MRPL46: variants seen among roughly 807,000 people sequenced by gnomAD.
MRPL46 encodes mitochondrial ribosomal protein L46, also known as large ribosomal subunit protein mL46.
Under a neutral mutation model 31.0 loss-of-function variants are expected in MRPL46, and 26 were observed. That is an observed-to-expected ratio of 0.84 (90% confidence interval 0.61 to 1.16). The LOEUF (loss-of-function observed/expected upper bound fraction) is 1.16, where lower values mean the gene tolerates loss of function less well. Ranked by LOEUF, MRPL46 falls within the 50% of genes most tolerant of loss-of-function variation. The pLI is 0.00. For synonymous variants in MRPL46, 159 were observed against 141.3 expected, an observed-to-expected ratio of 1.13 and a Z score of -0.89; for missense variants, 395 against 340.0, an observed-to-expected ratio of 1.16 and a Z score of -1.27.
intron 2 of MRPL46, 156 bp from the exon 3 acceptor site, chr15:88,465,032 T>C (rs962050598): frequency 1.5e-6 from 1 of 685,432 alleles, no homozygotes; most frequent in African/African-American, 1.9e-5. Context: ...CTCTGACCTC[T>C]TCCAGGGAAG....
intron 2 of MRPL46, 79 bp downstream of exon 2, chr15:88,465,508 G>A (rs560581352): frequency 7.3e-7 from 1 of 1,377,986 alleles, no homozygotes; most frequent in East Asian, 2.4e-5. Flanking sequence ...CACAAAGCAG[G>A]GGCCAAGCAA....
chr15:88,462,789 C>T (rs748992746), intron 3 of MRPL46: 3 of 152,186 alleles, frequency 2.0e-5, no homozygotes, highest in Non-Finnish European at 4.4e-5. Context: ...AGTATATACT[C>T]TTACATTGCT....
intron 3 of MRPL46, chr15:88,460,135 A>C: frequency 2.4e-6 from 1 of 423,416 alleles, no homozygotes; most frequent in Non-Finnish European, 4.3e-6. Flanking sequence ...TTACAATCAC[A>C]CCTGGGAGTC....
In MRPL46 at chr15:88,465,301, G is replaced by A. The variant is rs146202557; in HGVS notation, c.415+286C>T. On this transcript the variant is annotated intron_variant, in intron 2 of 3. Transcript: ENST00000312475. ...TTTCACATAAAACACAGGAATTAGT[G>A]GAAAAAGGCTTCATTTGCCCCACTC... The A allele has an allele frequency of 4.8e-3, 2,042 of 428,844 alleles. 4 individuals are homozygous for A. Among genetic ancestry groups the A allele is most frequent in the Non-Finnish European group, 6.7e-3 (1,638 of 245,472 alleles). 26.6% of individuals were successfully genotyped at this position (428,844 alleles called of 1,614,324 possible).
intron 1 of MRPL46, among the ~76,000 whole-genome samples, chr15:88,466,624 A>G (rs1665736037): frequency 6.6e-6 from 1 of 152,250 alleles, no homozygotes; most frequent in South Asian, 2.1e-4. Flanking sequence ...TCAACAGACC[A>G]AGACAAAAAC....
At chr15:88,467,054 G>C in intron 1 of MRPL46, 96 bp downstream of exon 1, 1 of 1,340,420 alleles carries the variant, frequency 7.5e-7, no homozygotes, top group Non-Finnish European at 1.0e-6. Flanking sequence ...ACCATTCTGC[G>C]GATAAGTACC....
rs2055495117 is a variant in MRPL46 at position 88,463,501 on chromosome 15, T to G, written c.589+1202A>C. On this transcript the variant is annotated intron_variant, in intron 3 of 3. Coordinates refer to ENST00000312475, the MANE Select transcript of MRPL46 (RefSeq NM_022163.4). This position sits in a 1 kb window ranked among gnomAD's most constrained non-coding sequence, Gnocchi z 5.4. Reference sequence around the variant, plus strand: ...GAACACAAGCTCCTAGGGAGTAGGGTAGTGTCCTGTTCATCACTGAGACCC... The same window carrying G: ...GAACACAAGCTCCTAGGGAGTAGGGGAGTGTCCTGTTCATCACTGAGACCC... The G allele has an allele frequency of 6.6e-6, 1 of 152,104 alleles. No individual in the cohort carries two copies. The highest frequency in any genetic ancestry group is 1.5e-5 in the Non-Finnish European group (1 of 68,028). The allele number at this position is 152,104 out of a possible 1,614,324, so 9.4% of individuals were successfully genotyped here.
intron 2 of MRPL46, 194 bp from the exon 3 acceptor site, chr15:88,465,070 G>A: frequency 2.0e-6 from 1 of 511,296 alleles, no homozygotes; most frequent in South Asian, 4.3e-5. Flanking sequence ...GAAACTAAAA[G>A]GTAAGAAATC....
intron 3 of MRPL46, chr15:88,462,075 A>G (rs1203970938): frequency 1.3e-5 from 2 of 152,334 alleles, no homozygotes; most frequent in Non-Finnish European, 2.9e-5. Context: ...TTGCTTCTGA[A>G]AAAGGAAAAT....
In MRPL46 at chr15:88,464,712, T is replaced by C. The variant is rs758066377; in HGVS notation, c.580A>G (p.Thr194Ala). ...AAGGCAGAAAACCCACCTGAGAGTGTGGCCAGGGTTCGTTCAGCTGTTCCT... is the reference window on the plus strand; with the variant it reads ...AAGGCAGAAAACCCACCTGAGAGTGCGGCCAGGGTTCGTTCAGCTGTTCCT... Reference protein sequence around the residue: ...LRGTAERTLATLSENNMEAKF... With the variant: ...LRGTAERTLAALSENNMEAKF... Residue 194 changes from threonine (T) to alanine (A), a missense_variant, in exon 3 of 4, where the codon ACA becomes GCA. Physicochemically the swap from Thr to Ala is moderately conservative, Grantham distance 58 (BLOSUM62 0). Transcript: ENST00000312475. The C allele has an allele frequency of 6.2e-7, 1 of 1,613,442 alleles. No individual in the cohort carries two copies. The highest frequency in any genetic ancestry group is 8.5e-7 in the Non-Finnish European group (1 of 1,179,892).
At chr15:88,462,941 A>G (rs1166728147) in intron 3 of MRPL46, 2 of 152,246 alleles carry the variant, frequency 1.3e-5, no homozygotes, top group South Asian at 2.1e-4. Context: ...TACTTATTAC[A>G]ATGGCAATGT....
chr15:88,465,838 G>A (rs2055523353), intron 1 of MRPL46, 65 bp from the exon 2 acceptor site: 2 of 1,428,132 alleles, frequency 1.4e-6, no homozygotes, highest in Non-Finnish European at 1.9e-6. Context: ...AAAAAAAACA[G>A]GAAGAATAAA....
intron 1 of MRPL46, among the ~76,000 whole-genome samples, 174 bp from the exon 2 acceptor site, chr15:88,465,947 A>G (rs2055525774): frequency 6.6e-6 from 1 of 152,194 alleles, no homozygotes; most frequent in Admixed American, 6.5e-5. Context: ...GAGGGAAAAA[A>G]AGGTCCTCTG....
Position 88,467,329 on chromosome 15 carries a change from G to A in MRPL46, c.49C>T (p.Arg17Trp), listed in dbSNP as rs1450985157. 14 of 1,605,276 alleles carry A rather than the reference G, an allele frequency of 8.7e-6. No homozygotes were observed. The highest frequency in any genetic ancestry group is 1.1e-5 in the Non-Finnish European group (13 of 1,176,022). Residue 17 changes from arginine (R) to tryptophan (W), a missense_variant, in exon 1 of 4, where the codon CGG becomes TGG. Transcript: ENST00000312475. ...RTLLGVAGGW[R>W]RFERLWAGSL... is the part of the protein sequence containing the mutation. The stretch of plus-strand genomic sequence containing the variant: ...CCGGCCCAGAGCCTCTCGAACCGCC[G>A]CCAACCCCCCGCCACCCCTAACAGC...
chr15:88,462,590 G>A (rs564420350), intron 3 of MRPL46: 1 of 152,294 alleles, frequency 6.6e-6, no homozygotes, highest in East Asian at 1.9e-4. Flanking sequence ...GGCACTCTCA[G>A]ACACCACTCC....
At chr15:88,465,798 A>G (rs2055522311) in intron 1 of MRPL46, 25 bp from the exon 2 acceptor site, 1 of 1,553,934 alleles carries the variant, frequency 6.4e-7, no homozygotes, top group Admixed American at 2.2e-5. Flanking sequence ...AGGGCAAAAA[A>G]CTACCTTAAT....
At position 88,467,378 on chromosome 15, in the gene MRPL46, CTT is replaced by C. The variant is rs749260572; in HGVS notation, c.-3_-2del. 3.2e-6 allele frequency: 5 copies of C among 1,564,244 alleles called. No individual in the cohort carries two copies. The highest frequency in any genetic ancestry group is 3.5e-6 in the Non-Finnish European group (4 of 1,154,394). Reference sequence around the variant, plus strand: ...GCGTCCGCCTTACGGGCGCCGCCATCTTTCGTTCTCCCACAATGCACCGCGGC... The same window carrying C: ...GCGTCCGCCTTACGGGCGCCGCCATCTCGTTCTCCCACAATGCACCGCGGC... On this transcript the variant is annotated 5_prime_UTR_variant, in exon 1 of 4. Transcript: ENST00000312475.
intron 3 of MRPL46, 196 bp downstream of exon 3, chr15:88,464,507 T>A (rs1471855531): frequency 3.6e-6 from 2 of 558,292 alleles, no homozygotes; most frequent in Non-Finnish European, 6.1e-6. Flanking sequence ...GATTCTCACC[T>A]GGTCTAAAAA....
In MRPL46 at chr15:88,459,639, C is replaced by CT; in HGVS notation, c.813dup (p.Val272SerfsTer2). 1 of 1,614,160 alleles carries CT rather than the reference C, an allele frequency of 6.2e-7. No homozygotes were observed. Among genetic ancestry groups the CT allele is most frequent in the Non-Finnish European group, 8.5e-7 (1 of 1,180,038 alleles). On this transcript the variant is annotated frameshift_variant, in exon 4 of 4. Transcript: ENST00000312475. LOFTEE classifies it high-confidence loss of function. Reference sequence around the variant, plus strand: ...CAGAGGTCTGAAACAAACCTCCTAACTTGGGCCAGGTATTTTGGTTTCAAA... The same window carrying CT: ...CAGAGGTCTGAAACAAACCTCCTAACTTTGGGCCAGGTATTTTGGTTTCAAA...
Sources: allele counts gnomAD v4.1 joint callset (sites outside exome capture counted in the v4.1 genomes callset), GRCh38; gene constraint gnomAD v4.1.1; non-coding constraint Gnocchi (gnomAD v3.1); transcripts MANE v1.5; gene names NCBI Gene and HGNC (gene_info 2026-07-23, HGNC 2026-07-21).